LARP1B: variants seen among roughly 807,000 people sequenced by gnomAD.
The protein encoded by LARP1B is La ribonucleoprotein 1B.
In LARP1B, 76 loss-of-function variants were observed where a neutral mutation model predicts 114.2. The ratio of observed to expected loss-of-function variants is 0.67; its 90% CI spans 0.55 to 0.81. LARP1B has a LOEUF of 0.81. Among genes scored for constraint, LARP1B ranks in the 30% least tolerant of loss-of-function variants. The probability of loss-of-function intolerance (pLI) is 0.00; values close to 1 mark genes in which losing one functional copy is unlikely to be tolerated. For missense variants in LARP1B, 1,014 were observed against 1,075.8 expected (o/e 0.94, Z 0.80); for synonymous variants, 345 against 348.0 (o/e 0.99, Z 0.10).
At position 128,119,288 on chromosome 4, in the gene LARP1B, G is replaced by A. The variant is rs1787106457; in HGVS notation, c.1162-2538G>A. ...CTCCAAAATTGCTAAAACAAAAAAA[G>A]CAGTACTTTTCTCTGGGATGTAGAA... On this transcript the variant is annotated intron_variant, in intron 10 of 19. Transcript: ENST00000326639. Among the ~76,000 whole-genome samples the A allele has an allele frequency of 2.0e-5, 3 of 152,170 alleles. No individual in the cohort carries two copies. In the South Asian group the frequency reaches 6.2e-4, roughly 31 times the overall value.
intron 7 of LARP1B, among the ~76,000 whole-genome samples, chr4:128,096,082 C>T (rs1213578318): frequency 6.6e-6 from 1 of 151,780 alleles, no homozygotes. Context: ...CAAGCTCCGC[C>T]TCCCGGGTTC....
intron 15 of LARP1B, among the ~76,000 whole-genome samples, chr4:128,198,347 AAC>A (rs1754935217): frequency 6.6e-6 from 1 of 152,232 alleles, no homozygotes; most frequent in Non-Finnish European, 1.5e-5. Context: ...AGATCTCCAG[AAC>A]ATTTTCATCT....
At chr4:128,155,557 C>T (rs1735140689) in intron 11 of LARP1B, 1 of 812,810 alleles carries the variant, frequency 1.2e-6, no homozygotes, top group South Asian at 1.3e-5. Flanking sequence ...GGTACAGCTT[C>T]ATTTTCTGGG....
chr4:128,156,080 C>A (rs1735483362), intron 11 of LARP1B: 1 of 1,599,528 alleles, frequency 6.3e-7, no homozygotes, highest in African/African-American at 1.3e-5. Flanking sequence ...CCTTTCACCC[C>A]CAGCCTGGTC....
intron 19 of LARP1B, among the ~76,000 whole-genome samples, chr4:128,209,597 A>C (rs1257798308): frequency 6.6e-6 from 1 of 152,130 alleles, no homozygotes; most frequent in Non-Finnish European, 1.5e-5. Flanking sequence ...GTTGCTGTTA[A>C]GTTTTTGTTA....
chr4:128,117,480 G>A (rs75272698), intron 10 of LARP1B, among the ~76,000 whole-genome samples: 2,725 of 152,154 alleles, frequency 0.018, 66 homozygotes, highest in East Asian at 0.1. Flanking sequence ...TCCCCTCCCG[G>A]GTTCAAGCGA....
chr4:128,140,767 T>C (rs1727648682), intron 11 of LARP1B, among the ~76,000 whole-genome samples: 1 of 151,888 alleles, frequency 6.6e-6, no homozygotes. Context: ...TATTTACTTC[T>C]TGAAGCTGCC....
Position 128,069,485 on chromosome 4 carries a change from C to T in LARP1B, c.-77-4975C>T, listed in dbSNP as rs200086381. ...GGTTGGCCTTGTAGCCCAGCTGGTG[C>T]GCTTTATCAAGCCAGATGGGGTGGG... On this transcript the variant is annotated intron_variant, in intron 1 of 19. Transcript: ENST00000326639. 170 of 752,666 alleles carry T rather than the reference C, an allele frequency of 2.3e-4. No individual in the cohort carries two copies. The East Asian group carries it at 3.6e-3, about 16-fold the overall frequency. The allele number at this position is 752,666 out of a possible 1,614,324, so 46.6% of individuals were successfully genotyped here. A position where few individuals can be genotyped will look rare whatever the true frequency, so the allele number is the denominator to read the frequency against.
At chr4:128,099,567 CA>C (rs1187615314) in intron 8 of LARP1B, among the ~76,000 whole-genome samples, 2 of 151,996 alleles carry the variant, frequency 1.3e-5, no homozygotes, top group African/African-American at 4.8e-5. Flanking sequence ...TTGCATGTAG[CA>C]GTAGTTTGTT....
At chr4:128,220,250 A>G (rs1156638938) in intron 6 of LARP1B, 2 of 242,258 alleles carry the variant, frequency 8.3e-6, no homozygotes, top group African/African-American at 4.7e-5. Context: ...GCTTCTTGCC[A>G]TTTTACAAAG....
intron 7 of LARP1B, among the ~76,000 whole-genome samples, chr4:128,096,817 G>C (rs1375507122): frequency 1.3e-5 from 2 of 151,922 alleles, no homozygotes; most frequent in African/African-American, 4.8e-5. Flanking sequence ...AGCCAGGATG[G>C]TCTCGATCTC....
chr4:128,162,128 T>C, intron 11 of LARP1B, 66 bp from the exon 12 acceptor site: 7 of 1,469,102 alleles, frequency 4.8e-6, no homozygotes, highest in Non-Finnish European at 6.5e-6. Context: ...GAGGTTGGTA[T>C]CAATTATTGT....
rs5861845 is a variant in LARP1B at position 128,139,583 on chromosome 4, T to TA, written c.1524+17406dup. On this transcript the variant is annotated intron_variant, in intron 11 of 19. Coordinates refer to ENST00000326639, the MANE Select transcript of LARP1B (RefSeq NM_018078.4). ...TAAATGCTTGTAACTGTATAACTGT[T>TA]AAAAAAAAAAACAAAAAAACAGTAT... is the stretch of plus-strand genomic sequence containing the variant. 1.8e-3 allele frequency among the ~76,000 whole-genome samples: 269 copies of TA among 147,298 alleles called. 2 individuals are homozygous for TA. The highest frequency in any genetic ancestry group is 5.3e-3 in the African/African-American group (210 of 39,742).
intron 11 of LARP1B, among the ~76,000 whole-genome samples, chr4:128,147,909 CAG>C (rs1050468847): frequency 6.6e-6 from 1 of 152,052 alleles, no homozygotes; most frequent in African/African-American, 2.4e-5. Context: ...GAAAAAAATA[CAG>C]AGTTTACAAC....
chr4:128,143,885 C>T (rs1729202658), intron 11 of LARP1B, among the ~76,000 whole-genome samples: 1 of 150,544 alleles, frequency 6.6e-6, no homozygotes, highest in South Asian at 2.1e-4. Context: ...TGGGAACGGT[C>T]CAGTGTAAAG....
intron 12 of LARP1B, among the ~76,000 whole-genome samples, chr4:128,167,982 C>T (rs889559963): frequency 5.3e-5 from 8 of 151,964 alleles, no homozygotes; most frequent in Non-Finnish European, 7.4e-5. Flanking sequence ...AGTAGTATTC[C>T]ATTGCATGGA....
At chr4:128,155,622 C>T in intron 11 of LARP1B, 1 of 1,278,670 alleles carries the variant, frequency 7.8e-7, no homozygotes. Flanking sequence ...CCCTACAACC[C>T]CAGCCAGGAG....
intron 11 of LARP1B, among the ~76,000 whole-genome samples, chr4:128,140,235 G>T (rs1375930840): frequency 3.3e-5 from 5 of 152,154 alleles, no homozygotes; most frequent in Non-Finnish European, 7.4e-5. Flanking sequence ...GGAGCAGTAT[G>T]TAATAATGTA....
chr4:128,078,526 A>G (rs1484893105), intron 4 of LARP1B, among the ~76,000 whole-genome samples: 3 of 151,602 alleles, frequency 2.0e-5, no homozygotes, highest in African/African-American at 7.3e-5. Context: ...GCTTGAACCC[A>G]GGAGGTGGAG....
Sources: gnomAD v4.1 joint callset for allele counts (sites outside exome capture counted in the v4.1 genomes callset) on GRCh38, gnomAD v4.1.1 for gene constraint, MANE v1.5 for transcripts, NCBI Gene and HGNC (gene_info 2026-07-23, HGNC 2026-07-21) for gene names.